The following RP1L1 variants were observed in gnomAD, a reference collection of about 807,000 sequenced individuals.
The protein encoded by RP1L1 is retinitis pigmentosa 1-like 1 protein.
RP1L1 carries 27 observed loss-of-function variants against 15.7 expected under a neutral mutation model. That is an observed-to-expected ratio of 1.72 (90% CI 1.27 to 2.38). The LOEUF is 2.38. Among genes scored for constraint, RP1L1 ranks in the 30% most tolerant of loss-of-function variants. RP1L1 has a pLI of 0.00. For missense variants in RP1L1, 4,798 were observed against 3,075.9 expected, an observed-to-expected ratio of 1.56 and a Z score of -13.24; for synonymous variants, 1,813 against 1,276.7, an observed-to-expected ratio of 1.42 and a Z score of -8.96.
At chr8:10,649,594 T>G (rs1798529470) in intron 1 of RP1L1, among the ~76,000 whole-genome samples, 1 of 152,134 alleles carries the variant, frequency 6.6e-6, no homozygotes, top group Admixed American at 6.5e-5. Flanking sequence ...TTAAGAAGCT[T>G]CTGGCCAGGT....
rs748879695 is a variant in RP1L1, at chr8:10,607,962, C to T, written c.6136G>A (p.Gly2046Arg). 24 of 1,613,072 alleles carry T rather than the reference C, an allele frequency of 1.5e-5. No individual in the cohort carries two copies. Among genetic ancestry groups the T allele is most frequent in the Non-Finnish European group, 1.9e-5 (23 of 1,179,664 alleles). Residue 2046 changes from glycine to arginine, a missense_variant, in exon 4 of 4, where the codon GGG (glycine) becomes AGG (arginine). Physicochemically the swap from Gly to Arg is moderately radical, Grantham distance 125 (BLOSUM62 -2). Coordinates refer to ENST00000382483, the MANE Select transcript of RP1L1 (RefSeq NM_178857.6). ...EVEGETQKTE[G>R]DAQPESDGVE... The stretch of plus-strand genomic sequence containing the variant: ...CCGTCTGACTCTGGCTGGGCATCCC[C>T]TTCTGTCTTCTGGGTCTCCCCTTCA...
rs1445437825 is a variant in RP1L1, at chr8:10,609,402, G to C, written c.4696C>G (p.Gln1566Glu). 8 of 1,612,308 alleles carry C rather than the reference G, an allele frequency of 5.0e-6. No homozygotes were observed. Among genetic ancestry groups the C allele is most frequent in the South Asian group, 1.1e-5 (1 of 91,064 alleles). ...MAAELQQDVA[Q>E]RLQDSTKREL... is the part of the protein sequence containing the mutation. ...CTCTTGGTGCTGTCCTGGAGGCGTT[G>C]GGCCACGTCCTGCTGCAGCTCGGCC... is the stretch of plus-strand genomic sequence containing the variant. The change falls in exon 4 of 4, where the codon CAA becomes GAA. Residue 1566 changes from glutamine to glutamate, a missense_variant. Transcript: ENST00000382483.
chr8:10,622,853 C>T lies in RP1L1; in HGVS notation c.349G>A (p.Gly117Ser). 1 of 1,613,046 alleles carries T rather than the reference C, an allele frequency of 6.2e-7. No homozygotes were observed. The highest frequency in any genetic ancestry group is 8.5e-7 in the Non-Finnish European group (1 of 1,179,308). The change falls in exon 2 of 4, where the codon GGC becomes AGC. Residue 117 changes from glycine (G) to serine (S), a missense_variant. Gly to Ser is a moderately conservative substitution (Grantham distance 56). Transcript: ENST00000382483. Reference sequence around the variant, plus strand: ...GTGGGGTTTCTCTCCTGTGGCCGGCCTGGTCCACTGGGGGTCTTGGGGGGC... The same window carrying T: ...GTGGGGTTTCTCTCCTGTGGCCGGCTTGGTCCACTGGGGGTCTTGGGGGGC... ...KKPPKTPSGP[G>S]RPQERNPTAQ...
In RP1L1 at chr8:10,646,691, C is replaced by T. The variant is rs1391403477; in HGVS notation, c.-20+8207G>A. The stretch of plus-strand genomic sequence containing the variant: ...GAAGGGCCTCTCCTGCCCACACCCA[C>T]GGGTGGCACACAAGCACCGAGGACA... On this transcript the variant is annotated intron_variant, in intron 1 of 3. Transcript: ENST00000382483. Among the ~76,000 whole-genome samples, 4 of 152,268 alleles carry T rather than the reference C, an allele frequency of 2.6e-5. No individual in the cohort carries two copies. The East Asian group carries it at 5.8e-4, about 22-fold the overall frequency.
chr8:10,629,002 C>A (rs1049602307), intron 1 of RP1L1, among the ~76,000 whole-genome samples: 20 of 152,242 alleles, frequency 1.3e-4, no homozygotes, highest in Non-Finnish European at 2.5e-4. Flanking sequence ...GGAAGTGGGT[C>A]TGGTGCACCT....
intron 1 of RP1L1, among the ~76,000 whole-genome samples, chr8:10,641,452 C>T (rs1585998500): frequency 6.6e-6 from 1 of 152,178 alleles, no homozygotes; most frequent in Non-Finnish European, 1.5e-5. Context: ...ATAACCTTGC[C>T]TATCCACACA....
chr8:10,618,996 C>A (rs1304328834), intron 2 of RP1L1, among the ~76,000 whole-genome samples: 1 of 152,142 alleles, frequency 6.6e-6, no homozygotes, highest in African/African-American at 2.4e-5. Flanking sequence ...TCAGCCTTCC[C>A]AGTAGCTGGG....
rs924243548 is a variant in RP1L1 at position 10,611,651 on chromosome 8, C to A, written c.2447G>T (p.Gly816Val). ...GTGGCTTCGGTGGGGGCCCACCGCC[C>A]CTTGCTCAGGCCGTCCAACCTGCAG... is the stretch of plus-strand genomic sequence containing the variant. ...LVLQVGRPEQ[G>V]AVGPHRSHCC... The change falls in exon 4 of 4, where the codon GGG (glycine) becomes GTG (valine). Residue 816 changes from glycine (G) to valine (V), a missense_variant. Gly to Val is a moderately radical substitution (Grantham distance 109). Coordinates refer to ENST00000382483, the MANE Select transcript of RP1L1 (RefSeq NM_178857.6). 6.2e-7 allele frequency: 1 copy of A among 1,612,986 alleles called. No individual in the cohort carries two copies. The highest frequency in any genetic ancestry group is 1.3e-5 in the African/African-American group (1 of 74,924).
intron 1 of RP1L1, among the ~76,000 whole-genome samples, chr8:10,625,008 T>C (rs1798134253): frequency 6.6e-6 from 1 of 152,166 alleles, no homozygotes; most frequent in African/African-American, 2.4e-5. Context: ...ATCCCCCACT[T>C]TGTCCAGTGG....
rs748618376 is a variant in RP1L1, at chr8:10,610,471, G to C, written c.3627C>G (p.Gly1209=). The change falls in exon 4 of 4, where the codon GGC becomes GGG. Residue 1209 remains glycine (G), a synonymous_variant. Transcript: ENST00000382483. The part of the protein sequence containing the change: ...SGVDISSGSG[G]SGESSVPCAM... ...CACAGGGTACGCTACTCTCCCCTGA[G>C]CCTCCAGAGCCGCTGCTGATGTCCA... 2 of 1,613,666 alleles carry C rather than the reference G, an allele frequency of 1.2e-6. No individual in the cohort carries two copies. The highest frequency in any genetic ancestry group is 2.2e-5 in the East Asian group (1 of 44,876).
At chr8:10,623,351 G>A in intron 1 of RP1L1, 131 bp from the exon 2 acceptor site, 2 of 703,384 alleles carry the variant, frequency 2.8e-6, no homozygotes, top group Non-Finnish European at 4.6e-6. Context: ...AGAGGCAAGT[G>A]AATCTATTTG....
intron 1 of RP1L1, among the ~76,000 whole-genome samples, chr8:10,624,357 G>T (rs1019764023): frequency 6.6e-6 from 1 of 152,148 alleles, no homozygotes; most frequent in Non-Finnish European, 1.5e-5. Context: ...CAAATGTTCT[G>T]ATGTGTATGT....
At chr8:10,651,191 G>C (rs1392800609) in intron 1 of RP1L1, among the ~76,000 whole-genome samples, 3 of 152,144 alleles carry the variant, frequency 2.0e-5, no homozygotes, top group Non-Finnish European at 4.4e-5. Context: ...TGTAGGTCTT[G>C]GGCCTGCAGT....
At chr8:10,628,112 C>G (rs898312309) in intron 1 of RP1L1, among the ~76,000 whole-genome samples, 1 of 152,204 alleles carries the variant, frequency 6.6e-6, no homozygotes, top group Non-Finnish European at 1.5e-5. Flanking sequence ...ATGAGCCCAA[C>G]TAGGCTCTGC....
rs1415143880 is a variant in RP1L1 at position 10,612,011 on chromosome 8, C to T, written c.2087G>A (p.Cys696Tyr). 1.9e-6 allele frequency: 3 copies of T among 1,613,754 alleles called. No homozygotes were observed. Among genetic ancestry groups the T allele is most frequent in the East Asian group, 2.2e-5 (1 of 44,890 alleles). The change falls in exon 4 of 4, where the codon TGC (cysteine) becomes TAC (tyrosine). Residue 696 changes from cysteine (C) to tyrosine (Y), a missense_variant. Transcript: ENST00000382483. Reference sequence around the variant, plus strand: ...ATATCGTGGCACTGAGCCATCCTGGCAGGCCCTTCGCCGCTCAGGAGGCCT... The same window carrying T: ...ATATCGTGGCACTGAGCCATCCTGGTAGGCCCTTCGCCGCTCAGGAGGCCT... ...VPRPPERRRA[C>Y]QDGSVPRYSG...
In RP1L1 at chr8:10,609,233, C is replaced by T. The variant is rs151260617; in HGVS notation, c.4865G>A (p.Arg1622Gln). The change falls in exon 4 of 4, where the codon CGG becomes CAG. Residue 1622 changes from arginine (R) to glutamine (Q), a missense_variant. By Grantham distance (43) the Arg-to-Gln change is conservative. Coordinates refer to ENST00000382483, the MANE Select transcript of RP1L1 (RefSeq NM_178857.6). ...GGAGAGGGGCCCCAGGCCCAGGGTC[C>T]GCTCAGAGAAGGCCGAGAGGTTTCG... ...GLRNLSAFSE[R>Q]TLGLGPLSFT... The T allele has an allele frequency of 6.4e-3, 10,333 of 1,609,396 alleles. 44 individuals carry two copies. The highest frequency in any genetic ancestry group is 7.7e-3 in the African/African-American group (579 of 75,060).
chr8:10,623,186 T>C lies in RP1L1; in HGVS notation c.16A>G (p.Arg6Gly). 1 of 1,566,074 alleles carries C rather than the reference T, an allele frequency of 6.4e-7. No individual in the cohort carries two copies. The highest frequency in any genetic ancestry group is 8.7e-7 in the Non-Finnish European group (1 of 1,155,278). Reference protein sequence around the residue: MNSTPRNAQAPSHREC... With the variant: MNSTPGNAQAPSHREC... ...CGGTGGCTCGGGGCCTGGGCATTCC[T>C]GGGGGTGCTGTTCATGGTGTGGGGG... The change falls in exon 2 of 4, where the codon AGG (arginine) becomes GGG (glycine). Residue 6 changes from arginine (R) to glycine (G), a missense_variant. Transcript: ENST00000382483.
Position 10,608,082 on chromosome 8 carries a change from C to T in RP1L1, c.6016G>A (p.Glu2006Lys), listed in dbSNP as rs532956183. The T allele has an allele frequency of 4.3e-6, 7 of 1,613,382 alleles. No homozygotes were observed. In the South Asian group the frequency reaches 6.6e-5, roughly 15 times the overall value. Reference sequence around the variant, plus strand: ...TCTTCTGCCTCTTGCATCTCCCCTTCAGCCTCTGGGGCCTCTACATCTTCT... The same window carrying T: ...TCTTCTGCCTCTTGCATCTCCCCTTTAGCCTCTGGGGCCTCTACATCTTCT... ...ESEDVEAPEAEGEMQEAEEEA... is the reference protein window; with the variant it reads ...ESEDVEAPEAKGEMQEAEEEA... The change falls in exon 4 of 4, where the codon GAA (glutamate) becomes AAA (lysine). Residue 2006 changes from glutamate to lysine, a missense_variant. Coordinates refer to ENST00000382483, the MANE Select transcript of RP1L1 (RefSeq NM_178857.6).
chr8:10,651,032 T>G (rs1586006724), intron 1 of RP1L1, among the ~76,000 whole-genome samples: 1 of 152,218 alleles, frequency 6.6e-6, no homozygotes, highest in African/African-American at 2.4e-5. Context: ...TGCAAAGTGC[T>G]CTGGGATAAT....
Sources: gnomAD v4.1 joint callset for allele counts (sites outside exome capture counted in the v4.1 genomes callset) on GRCh38, gnomAD v4.1.1 for gene constraint, MANE v1.5 for transcripts, NCBI Gene and HGNC (gene_info 2026-07-23, HGNC 2026-07-21) for gene names.